Variants in PIK3AP1 observed in about 807,000 individuals in gnomAD.
The protein encoded by PIK3AP1 is phosphoinositide-3-kinase adaptor protein 1.
PIK3AP1 carries 21 observed loss-of-function variants against 88.1 expected under a neutral mutation model. The observed-to-expected ratio is 0.24, with a 90% CI of 0.17 to 0.34. The LOEUF is 0.34. Among genes scored for constraint, PIK3AP1 ranks in the 10% least tolerant of loss-of-function variants. The pLI is 1.00. For missense variants in PIK3AP1, 828 were observed against 1,035.7 expected, an observed-to-expected ratio of 0.80 and a Z score of 2.75; for synonymous variants, 398 against 400.0, an observed-to-expected ratio of 1.00 and a Z score of 0.06.
chr10:96,618,598 A>G (rs1002594326), intron 12 of PIK3AP1: 3 of 152,606 alleles, frequency 2.0e-5, no homozygotes, highest in African/African-American at 2.4e-5. Context: ...GTAAAAAAAA[A>G]AAAAAAGAAA....
Position 96,628,437 on chromosome 10 carries a change from G to C in PIK3AP1, c.1432C>G (p.Arg478Gly). 2 of 1,613,576 alleles carry C rather than the reference G, an allele frequency of 1.2e-6. No individual in the cohort carries two copies. The highest frequency in any genetic ancestry group is 1.7e-6 in the Non-Finnish European group (2 of 1,179,554). ...CGGATCATAGAGTCCTTAGTGGCCCGAGAGAAACCATCTCCAGGGATTGGG... is the reference window on the plus strand; with the variant it reads ...CGGATCATAGAGTCCTTAGTGGCCCCAGAGAAACCATCTCCAGGGATTGGG... ...SNPIPGDGFSRATKDSMIRKF... is the reference protein window; with the variant it reads ...SNPIPGDGFSGATKDSMIRKF... Residue 478 changes from arginine (R) to glycine (G), a missense_variant, in exon 9 of 17, where the codon CGG becomes GGG. By Grantham distance (125) the Arg-to-Gly change is moderately radical (BLOSUM62 -2). This residue lies in a region of PIK3AP1 where 610 missense variants were observed against 760.1 expected (regional missense o/e 0.80). Coordinates refer to ENST00000339364, the MANE Select transcript of PIK3AP1 (RefSeq NM_152309.3).
At chr10:96,681,151 C>G (rs1843994113) in intron 2 of PIK3AP1, among the ~76,000 whole-genome samples, 1 of 152,178 alleles carries the variant, frequency 6.6e-6, no homozygotes, top group Non-Finnish European at 1.5e-5. Context: ...TGGCTTCTCA[C>G]TCTGTCCTCC....
intron 10 of PIK3AP1, among the ~76,000 whole-genome samples, chr10:96,624,222 G>A (rs1039285016): frequency 5.9e-5 from 9 of 152,196 alleles, no homozygotes; most frequent in Admixed American, 2.0e-4. Context: ...AAGATTAAAT[G>A]AGTTAATACA....
chr10:96,693,441 G>GTGGATGGATGGATGGATGGATGGATGGA (rs3979613), intron 2 of PIK3AP1, among the ~76,000 whole-genome samples: 44 of 150,646 alleles, frequency 2.9e-4, no homozygotes, highest in African/African-American at 1.1e-3. Context: ...AGATAGATGA[G>GTGGATGGATGGATGGATGGATGGATGGA]TGGATGGATG....
chr10:96,704,370 G>A (rs1298672835), intron 2 of PIK3AP1, among the ~76,000 whole-genome samples: 1 of 152,176 alleles, frequency 6.6e-6, no homozygotes. Flanking sequence ...CCCCTTGTTT[G>A]TACTCAGTGG....
intron 7 of PIK3AP1, 38 bp from the exon 8 acceptor site, chr10:96,645,700 G>C: frequency 6.5e-7 from 1 of 1,542,284 alleles, no homozygotes. Flanking sequence ...CCCTGAGGCA[G>C]CCTGACTTTC....
rs1418071777 is a variant in PIK3AP1 at position 96,628,399 on chromosome 10, T to C, written c.1470A>G (p.Glu490=). Residue 490 remains glutamate, a splice_region_variant and synonymous_variant, in exon 9 of 17, where the codon GAA becomes GAG. Coordinates refer to ENST00000339364, the MANE Select transcript of PIK3AP1 (RefSeq NM_152309.3). ...TKDSMIRKFL[E]GNSMGMTNLE... The stretch of plus-strand genomic sequence containing the variant: ...TCCCTGCTCATGGCTATGACTTACC[T>C]TCTAAAAACTTGCGGATCATAGAGT... The C allele has an allele frequency of 6.2e-7, 1 of 1,600,154 alleles. No homozygotes were observed. Among genetic ancestry groups the C allele is most frequent in the Non-Finnish European group, 8.6e-7 (1 of 1,167,414 alleles).
At chr10:96,628,613 A>G in intron 8 of PIK3AP1, 120 bp from the exon 9 acceptor site, 1 of 821,342 alleles carries the variant, frequency 1.2e-6, no homozygotes, top group East Asian at 2.6e-5. Context: ...TCATCAATCT[A>G]TCCATCCCTC....
chr10:96,619,529 G>A (rs1843048383), intron 12 of PIK3AP1: 1 of 152,244 alleles, frequency 6.6e-6, no homozygotes. Flanking sequence ...CACTAGGAAA[G>A]ATGCCTTGGA....
chr10:96,649,322 G>T (rs890890334), intron 6 of PIK3AP1, among the ~76,000 whole-genome samples: 2 of 152,222 alleles, frequency 1.3e-5, no homozygotes, highest in Admixed American at 1.3e-4. Context: ...GGGATTACAG[G>T]CATGAGCCAC....
Position 96,604,035 on chromosome 10 carries a change from G to C in PIK3AP1, c.2185C>G (p.Arg729Gly), listed in dbSNP as rs745636219. The C allele has an allele frequency of 6.2e-7, 1 of 1,603,404 alleles. No individual in the cohort carries two copies. The highest frequency in any genetic ancestry group is 8.5e-7 in the Non-Finnish European group (1 of 1,173,936). The change falls in exon 15 of 17, where the codon CGC (arginine) becomes GGC (glycine). Residue 729 changes from arginine to glycine, a missense_variant. Around this residue, in one of 3 missense-constraint regions of PIK3AP1, gnomAD observed 191 missense variants for 208.6 expected, o/e 0.92. Coordinates refer to ENST00000339364, the MANE Select transcript of PIK3AP1 (RefSeq NM_152309.3). ...TSSTASSTSN[R>G]SSTRSLLSVS... ...CTGAGGAGGCTCCGGGTGCTGGAGC[G>C]GTTACTTGTGCTACCTAAAGGGTAG...
intron 2 of PIK3AP1, among the ~76,000 whole-genome samples, chr10:96,657,290 A>G (rs1589520174): frequency 6.6e-6 from 1 of 152,204 alleles, no homozygotes; most frequent in South Asian, 2.1e-4. Flanking sequence ...CTTTCCCCTT[A>G]GGTGGGTTCA....
intron 13 of PIK3AP1, 107 bp from the exon 14 acceptor site, chr10:96,609,974 G>T (rs1318143860): frequency 1.5e-6 from 2 of 1,319,004 alleles, no homozygotes; most frequent in Admixed American, 4.0e-5. Flanking sequence ...GCCTGCATGG[G>T]AAGGGGAAGG....
At position 96,604,475 on chromosome 10, in the gene PIK3AP1, A is replaced by G. The variant is rs902462320; in HGVS notation, c.2171-426T>C. Among the ~76,000 whole-genome samples the G allele has an allele frequency of 8.0e-5, 12 of 150,304 alleles. No homozygotes were observed. In the Admixed American group the frequency reaches 8.0e-4, roughly 10 times the overall value. ...AGCCTCTCAAAGTGCTAGAATTACA[A>G]GTGTGAACCACTATGTCCAGCCTTC... On this transcript the variant is annotated intron_variant, in intron 14 of 16. Coordinates refer to ENST00000339364, the MANE Select transcript of PIK3AP1 (RefSeq NM_152309.3).
At chr10:96,718,882 C>T (rs573815011) in intron 1 of PIK3AP1, among the ~76,000 whole-genome samples, 82 of 152,224 alleles carry the variant, frequency 5.4e-4, no homozygotes, top group Non-Finnish European at 6.3e-4. Context: ...GCCACTCTGG[C>T]CTACTCCCTT....
At chr10:96,652,863 T>C in intron 3 of PIK3AP1, 21 bp from the exon 4 acceptor site, 1 of 1,609,468 alleles carries the variant, frequency 6.2e-7, no homozygotes, top group East Asian at 2.2e-5. Flanking sequence ...AAGCCGGTCA[T>C]TGTCCCCTCT....
At chr10:96,675,914 C>G (rs146270813) in intron 2 of PIK3AP1, among the ~76,000 whole-genome samples, 10 of 152,334 alleles carry the variant, frequency 6.6e-5, no homozygotes, top group Middle Eastern at 3.4e-3. Flanking sequence ...ATAAGGCCAT[C>G]ATAGGGACGT....
At position 96,671,558 on chromosome 10, in the gene PIK3AP1, C is replaced by T. The variant is rs1460376000; in HGVS notation, c.431-14624G>A. 1.6e-4 allele frequency among the ~76,000 whole-genome samples: 24 copies of T among 152,102 alleles called. No homozygotes were observed. In the East Asian group the frequency reaches 3.8e-3, roughly 24 times the overall value. On this transcript the variant is annotated intron_variant, in intron 2 of 16. Transcript: ENST00000339364. ...GGGTCAGTGGAATGCCAAGTTCTTACCCACCAGATGTCTTACTGACACTGA... is the reference window on the plus strand; with the variant it reads ...GGGTCAGTGGAATGCCAAGTTCTTATCCACCAGATGTCTTACTGACACTGA...
chr10:96,694,467 G>A (rs1161802680), intron 2 of PIK3AP1, among the ~76,000 whole-genome samples: 1 of 150,858 alleles, frequency 6.6e-6, no homozygotes, highest in Non-Finnish European at 1.5e-5. Context: ...TGATCCCAAA[G>A]TTTCCTTTTC....
Sources: gnomAD v4.1 joint callset for allele counts (sites outside exome capture counted in the v4.1 genomes callset) on GRCh38, gnomAD v4.1.1 for gene constraint, gnomAD v4.1.1 regional missense constraint, MANE v1.5 for transcripts, NCBI Gene and HGNC (gene_info 2026-07-23, HGNC 2026-07-21) for gene names.